BTBD2: variants seen among roughly 807,000 people sequenced by gnomAD.
The protein encoded by BTBD2 is BTB/POZ domain-containing protein 2.
Under a neutral mutation model 44.0 loss-of-function variants are expected in BTBD2, and 15 were observed. That is an observed-to-expected ratio of 0.34 (90% CI 0.23 to 0.53). The LOEUF (loss-of-function observed/expected upper bound fraction) is 0.53. BTBD2 is among the 20% of genes least tolerant of loss of function. BTBD2 has a pLI of 0.95. For missense variants in BTBD2, 657 were observed against 746.4 expected (o/e 0.88, Z 1.39); for synonymous variants, 443 against 335.9 (o/e 1.32, Z -3.49).
intron 1 of BTBD2, chr19:2,013,720 T>C: frequency 1.0e-6 from 1 of 973,246 alleles, no homozygotes; most frequent in Non-Finnish European, 1.2e-6. Context: ...GGGGTATCCC[T>C]GGAGGGGAGC....
rs1377537294 is a variant in BTBD2, at chr19:2,000,962, G to C, written c.408-3499C>G. 2.0e-5 allele frequency among the ~76,000 whole-genome samples: 3 copies of C among 152,170 alleles called. No homozygotes were observed. The East Asian group carries it at 5.8e-4, about 29-fold the overall frequency. ...AATCCTGTGTGATCCACTCCTAGGA[G>C]GTCCCCAGAGTCCTCAGATTCAGAG... On this transcript the variant is annotated intron_variant, in intron 1 of 8. Coordinates refer to ENST00000255608, the MANE Select transcript of BTBD2 (RefSeq NM_017797.4).
rs762879823 is a variant in BTBD2, at chr19:2,015,431, C to T, written c.273G>A (p.Glu91=). The stretch of plus-strand genomic sequence containing the variant: ...TGCTGGCCTGCCAGTTGTACGCGGC[C>T]TCGCGCTGCAGCGCCGCCGCCCCCG... ...AGPGAAALQR[E]AAYNWQASKP... The change falls in exon 1 of 9, where the codon GAG becomes GAA. Residue 91 remains glutamate, a synonymous_variant. Coordinates refer to ENST00000255608, the MANE Select transcript of BTBD2 (RefSeq NM_017797.4). 1.3e-6 allele frequency: 2 copies of T among 1,505,758 alleles called. No homozygotes were observed. Among genetic ancestry groups the T allele is most frequent in the Non-Finnish European group, 1.8e-6 (2 of 1,133,818 alleles). 93.3% of individuals were successfully genotyped at this position (1,505,758 alleles called of 1,614,324 possible). A position where few individuals can be genotyped will look rare whatever the true frequency, so the allele number is the denominator to read the frequency against.
Position 2,015,429 on chromosome 19 carries a change from G to C in BTBD2, c.275C>G (p.Ala92Gly). The C allele has an allele frequency of 6.6e-7, 1 of 1,505,718 alleles. No individual in the cohort carries two copies. The highest frequency in any genetic ancestry group is 8.8e-7 in the Non-Finnish European group (1 of 1,133,786). The allele number at this position is 1,505,718 out of a possible 1,614,324, so 93.3% of individuals were successfully genotyped here. A position where few individuals can be genotyped will look rare whatever the true frequency, so the allele number is the denominator to read the frequency against. ...CTTGCTGGCCTGCCAGTTGTACGCG[G>C]CCTCGCGCTGCAGCGCCGCCGCCCC... ...GPGAAALQRE[A>G]AYNWQASKPT... Residue 92 changes from alanine to glycine, a missense_variant, in exon 1 of 9, where the codon GCC (alanine) becomes GGC (glycine). By Grantham distance (60) the Ala-to-Gly change is moderately conservative. Around this residue, in one of 3 missense-constraint regions of BTBD2, gnomAD observed 191 missense variants for 188.5 expected, o/e 1.01. Transcript: ENST00000255608.
Position 2,015,291 on chromosome 19 carries a change from G to A in BTBD2, c.407+6C>T, listed in dbSNP as rs763739417. ...GGGCCAGGGCTGGCGGGGTCGGGGC[G>A]CCCACCTGTGCGCGGGGATGCGCTG... On this transcript the variant is annotated splice_donor_region_variant and intron_variant, in intron 1 of 8. Transcript: ENST00000255608. The A allele has an allele frequency of 5.8e-5, 89 of 1,546,646 alleles. No individual in the cohort carries two copies. Among genetic ancestry groups the A allele is most frequent in the Non-Finnish European group, 6.9e-5 (80 of 1,153,086 alleles).
rs746791900 is a variant in BTBD2, at chr19:1,993,101, C to T, written c.603G>A (p.Ala201=). The change falls in exon 3 of 9, where the codon GCG becomes GCA. Residue 201 remains alanine, a synonymous_variant. Coordinates refer to ENST00000255608, the MANE Select transcript of BTBD2 (RefSeq NM_017797.4). ...MTTLYTAKKY[A]VPALEAHCVE... is the part of the protein sequence containing the mutation. ...CGCAATGGGCCTCGAGCGCTGGCAC[C>T]GCGTACTTCTTGGCGGTGTATAGCG... is the stretch of plus-strand genomic sequence containing the variant. 3 of 1,609,142 alleles carry T rather than the reference C, an allele frequency of 1.9e-6. No individual in the cohort carries two copies. Among genetic ancestry groups the T allele is most frequent in the African/African-American group, 2.7e-5 (2 of 75,038 alleles).
At chr19:2,008,589 C>CTTTTTTTTTTTTTTTTTT (rs34228593) in intron 1 of BTBD2, among the ~76,000 whole-genome samples, 14 of 126,572 alleles carry the variant, frequency 1.1e-4, no homozygotes, top group African/African-American at 4.4e-4. Context: ...CTGTGCCCAG[C>CTTTTTTTTTTTTTTTTTT]TTTTTTTTTT....
chr19:2,015,346 G>A lies in BTBD2; in HGVS notation c.358C>T (p.His120Tyr), dbSNP rs1195290200. 4 of 1,584,360 alleles carry A rather than the reference G, an allele frequency of 2.5e-6. No individual in the cohort carries two copies. The highest frequency in any genetic ancestry group is 2.6e-6 in the Non-Finnish European group (3 of 1,172,584). ...CTGAGCCCCTTGCCCACCAGGAAGT[G>A]CACGTCGCACAGCACCTCGTTGTTG... ...LFNNEVLCDV[H>Y]FLVGKGLSSQ... The change falls in exon 1 of 9, where the codon CAC becomes TAC. Residue 120 changes from histidine (H) to tyrosine (Y), a missense_variant. Transcript: ENST00000255608.
chr19:2,007,108 G>A (rs1289425709), intron 1 of BTBD2, among the ~76,000 whole-genome samples: 2 of 151,532 alleles, frequency 1.3e-5, no homozygotes, highest in African/African-American at 4.9e-5. Flanking sequence ...CACCTGCCTC[G>A]GCCTCCCAAA....
chr19:2,005,974 G>C (rs1226736022), intron 1 of BTBD2, among the ~76,000 whole-genome samples: 2 of 151,608 alleles, frequency 1.3e-5, no homozygotes, highest in African/African-American at 4.8e-5. Flanking sequence ...TATAGTCCCA[G>C]CTACTTGGGA....
Position 1,990,743 on chromosome 19 carries a change from G to A in BTBD2, c.764C>T (p.Ala255Val), listed in dbSNP as rs1278556615. ...CAGGTCAATGTCGGTGAAGCCCTCC[G>A]CGGTGATGGCGTCTGCAGTGTTTTT... is the stretch of plus-strand genomic sequence containing the variant. ...IDKNTADAIT[A>V]EGFTDIDLDT... The change falls in exon 4 of 9, where the codon GCG becomes GTG. Residue 255 changes from alanine (A) to valine (V), a missense_variant. Transcript: ENST00000255608. 4.4e-6 allele frequency: 7 copies of A among 1,603,154 alleles called. No individual in the cohort carries two copies. The highest frequency in any genetic ancestry group is 4.5e-5 in the East Asian group (2 of 44,186).
chr19:1,999,418 G>A (rs1333927144), intron 1 of BTBD2, among the ~76,000 whole-genome samples: 3 of 152,222 alleles, frequency 2.0e-5, no homozygotes, highest in Non-Finnish European at 4.4e-5. Flanking sequence ...CGTCATCCCA[G>A]CATGTGGGAG....
rs534701402 is a variant in BTBD2 at position 2,000,751 on chromosome 19, A to G, written c.408-3288T>C. Among the ~76,000 whole-genome samples, 6 of 152,272 alleles carry G rather than the reference A, an allele frequency of 3.9e-5. No homozygotes were observed. The East Asian group carries it at 9.6e-4, about 24-fold the overall frequency. Reference sequence around the variant, plus strand: ...CACAAAAACACATCCACAATTGCTCACAGCAGCACGATTCCCAACTCCGAA... The same window carrying G: ...CACAAAAACACATCCACAATTGCTCGCAGCAGCACGATTCCCAACTCCGAA... On this transcript the variant is annotated intron_variant, in intron 1 of 8. Transcript: ENST00000255608.
rs1479953240 is a variant in BTBD2 at position 2,015,365 on chromosome 19, G to C, written c.339C>G (p.Asn113Lys). The C allele has an allele frequency of 6.3e-7, 1 of 1,585,160 alleles. No homozygotes were observed. Among genetic ancestry groups the C allele is most frequent in the South Asian group, 1.1e-5 (1 of 89,432 alleles). The change falls in exon 1 of 9, where the codon AAC (asparagine) becomes AAG (lysine). Residue 113 changes from asparagine to lysine, a missense_variant. By Grantham distance (94) the Asn-to-Lys change is moderately conservative. Around this residue, in one of 3 missense-constraint regions of BTBD2, gnomAD observed 191 missense variants for 188.5 expected, o/e 1.01. Coordinates refer to ENST00000255608, the MANE Select transcript of BTBD2 (RefSeq NM_017797.4). The part of the protein sequence containing the change: ...VQERFAFLFN[N>K]EVLCDVHFLV... ...GGAAGTGCACGTCGCACAGCACCTCGTTGTTGAAGAGGAAGGCGAAGCGCT... is the reference window on the plus strand; with the variant it reads ...GGAAGTGCACGTCGCACAGCACCTCCTTGTTGAAGAGGAAGGCGAAGCGCT...
chr19:1,986,998 G>T, intron 7 of BTBD2, 22 bp from the exon 8 acceptor site: 1 of 1,606,696 alleles, frequency 6.2e-7, no homozygotes, highest in Non-Finnish European at 8.5e-7. Context: ...TGGGAAGTGG[G>T]AGGCTCAGGC....
Position 1,993,142 on chromosome 19 carries a change from C to G in BTBD2, c.562G>C (p.Glu188Gln). ...GTGTATAGCGTGGTCATCACCGTCT[C>G]CGGGCCAATCTGCACCTCGTCCGAG... ...LYSDEVQIGP[E>Q]TVMTTLYTAK... The change falls in exon 3 of 9, where the codon GAG becomes CAG. Residue 188 changes from glutamate (E) to glutamine (Q), a missense_variant. By Grantham distance (29) the Glu-to-Gln change is conservative. Coordinates refer to ENST00000255608, the MANE Select transcript of BTBD2 (RefSeq NM_017797.4). 1 of 1,606,140 alleles carries G rather than the reference C, an allele frequency of 6.2e-7. No homozygotes were observed. The highest frequency in any genetic ancestry group is 8.5e-7 in the Non-Finnish European group (1 of 1,179,702).
At chr19:1,999,288 C>T (rs529016004) in intron 1 of BTBD2, among the ~76,000 whole-genome samples, 8 of 152,206 alleles carry the variant, frequency 5.3e-5, no homozygotes, top group Non-Finnish European at 8.8e-5. Flanking sequence ...CGAGGCCCGG[C>T]GGAAACAGGC....
chr19:1,990,321 C>T (rs2016157108), intron 4 of BTBD2, 120 bp from the exon 5 acceptor site: 6 of 1,049,360 alleles, frequency 5.7e-6, no homozygotes, highest in Non-Finnish European at 8.3e-6. Flanking sequence ...GGCCCGTGGC[C>T]CAAATCTGGC....
At chr19:2,002,416 C>G (rs938891434) in intron 1 of BTBD2, among the ~76,000 whole-genome samples, 2 of 152,210 alleles carry the variant, frequency 1.3e-5, no homozygotes, top group African/African-American at 2.4e-5. Context: ...AATTATCAAG[C>G]TCAAGGACGG....
intron 1 of BTBD2, among the ~76,000 whole-genome samples, chr19:2,009,882 G>A (rs184358048): frequency 9.6e-4 from 145 of 151,006 alleles, no homozygotes; most frequent in African/African-American, 3.4e-3. Flanking sequence ...GGCCAGGTGC[G>A]GTGGCTCACG....
Sources: gnomAD v4.1 joint callset for allele counts (sites outside exome capture counted in the v4.1 genomes callset) on GRCh38, gnomAD v4.1.1 for gene constraint, gnomAD v4.1.1 regional missense constraint, MANE v1.5 for transcripts, NCBI Gene and HGNC (gene_info 2026-07-23, HGNC 2026-07-21) for gene names.